Variants in SPAG16 observed in about 807,000 individuals in gnomAD.
SPAG16 encodes sperm associated antigen 16.
A neutral mutation model predicts 80.4 loss-of-function variants in SPAG16; 86 were observed. The observed-to-expected ratio is 1.07, with a 90% CI of 0.90 to 1.28. The LOEUF is 1.28. SPAG16 is among the 50% of genes most tolerant of loss of function. SPAG16 has a pLI of 0.00. For missense variants in SPAG16, 870 were observed against 765.3 expected, an observed-to-expected ratio of 1.14 and a Z score of -1.61; for synonymous variants, 294 against 265.9, an observed-to-expected ratio of 1.11 and a Z score of -1.03.
intron 9 of SPAG16, among the ~76,000 whole-genome samples, chr2:213,421,346 C>A (rs1191200298): frequency 6.6e-6 from 1 of 152,230 alleles, no homozygotes; most frequent in African/African-American, 2.4e-5. Context: ...TTGGCCCCCT[C>A]CAGACATTGG....
At chr2:214,244,382 A>G (rs1443010497) in intron 15 of SPAG16, among the ~76,000 whole-genome samples, 1 of 148,418 alleles carries the variant, frequency 6.7e-6, no homozygotes, top group East Asian at 2.0e-4. Context: ...TTCAATGATA[A>G]GCTGAAGTTC....
At chr2:214,381,125 G>GAAAGT (rs1295651247) in intron 15 of SPAG16, among the ~76,000 whole-genome samples, 1 of 152,186 alleles carries the variant, frequency 6.6e-6, no homozygotes, top group African/African-American at 2.4e-5. Context: ...CAGTACCCCT[G>GAAAGT]AAAGTATTGA....
At chr2:214,369,648 A>G (rs1699691441) in intron 15 of SPAG16, among the ~76,000 whole-genome samples, 1 of 151,960 alleles carries the variant, frequency 6.6e-6, no homozygotes, top group African/African-American at 2.4e-5. Context: ...AACATGTGGC[A>G]TGCCCTCTTT....
chr2:213,609,040 G>A (rs761939652), intron 10 of SPAG16, among the ~76,000 whole-genome samples: 4 of 152,176 alleles, frequency 2.6e-5, no homozygotes, highest in Non-Finnish European at 4.4e-5. Flanking sequence ...AAAAGCAGAC[G>A]ATCTTTTAAA....
At chr2:213,288,556 C>T (rs868193878) in intron 1 of SPAG16, among the ~76,000 whole-genome samples, 11 of 151,900 alleles carry the variant, frequency 7.2e-5, no homozygotes, top group Non-Finnish European at 1.3e-4. Context: ...CGTGATCCAT[C>T]CGCCTCAGCC....
intron 15 of SPAG16, among the ~76,000 whole-genome samples, chr2:214,336,301 G>A (rs1559222806): frequency 6.6e-6 from 1 of 152,086 alleles, no homozygotes; most frequent in African/African-American, 2.4e-5. Flanking sequence ...AATGGGTGGG[G>A]TCTCAAATCA....
chr2:214,320,030 C>T (rs1031678140), intron 15 of SPAG16, among the ~76,000 whole-genome samples: 4 of 152,174 alleles, frequency 2.6e-5, no homozygotes, highest in Non-Finnish European at 5.9e-5. Context: ...CAGGTGAAAT[C>T]GTTCTGTCAA....
chr2:214,196,890 C>T (rs183871587), intron 15 of SPAG16, among the ~76,000 whole-genome samples: 2 of 151,902 alleles, frequency 1.3e-5, no homozygotes, highest in Non-Finnish European at 2.9e-5. Flanking sequence ...GCTTTATATT[C>T]GGTTGAAAAA....
chr2:214,397,363 T>C (rs1339918426), intron 15 of SPAG16, among the ~76,000 whole-genome samples: 1 of 152,088 alleles, frequency 6.6e-6, no homozygotes, highest in African/African-American at 2.4e-5. Context: ...TTTTGCCACG[T>C]TGGCCAGGAT....
At chr2:214,172,208 T>G (rs987193402) in intron 15 of SPAG16, among the ~76,000 whole-genome samples, 1 of 152,008 alleles carries the variant, frequency 6.6e-6, no homozygotes, top group African/African-American at 2.4e-5. Context: ...ACTCGTCATT[T>G]AGCATTAGGT....
intron 11 of SPAG16, among the ~76,000 whole-genome samples, chr2:213,872,913 A>G (rs1016855070): frequency 6.6e-6 from 1 of 152,076 alleles, no homozygotes; most frequent in Non-Finnish European, 1.5e-5. Flanking sequence ...CCAACCTTGC[A>G]TTCCTGAAAT....
At chr2:213,529,113 CTACTT>C (rs772537666) in intron 10 of SPAG16, among the ~76,000 whole-genome samples, 24 of 152,208 alleles carry the variant, frequency 1.6e-4, no homozygotes, top group South Asian at 2.1e-4. Context: ...AAACTATTCT[CTACTT>C]TAGAGCAGTA....
At chr2:213,822,240 T>C (rs1004981181) in intron 10 of SPAG16, among the ~76,000 whole-genome samples, 1 of 152,216 alleles carries the variant, frequency 6.6e-6, no homozygotes, top group Admixed American at 6.5e-5. Flanking sequence ...ATATAAGCCA[T>C]TTTAACTGGG....
intron 12 of SPAG16, among the ~76,000 whole-genome samples, chr2:214,006,064 A>G (rs1167682490): frequency 1.3e-5 from 2 of 152,214 alleles, no homozygotes; most frequent in Admixed American, 6.5e-5. Context: ...ACTAAGGGTT[A>G]ATATGGTAAT....
At chr2:214,036,663 C>T (rs1242549152) in intron 13 of SPAG16, among the ~76,000 whole-genome samples, 1 of 152,120 alleles carries the variant, frequency 6.6e-6, no homozygotes, top group Non-Finnish European at 1.5e-5. Context: ...AAACAGCTCC[C>T]ATTATTTATA....
intron 15 of SPAG16, among the ~76,000 whole-genome samples, chr2:214,358,164 T>C (rs926867862): frequency 6.6e-6 from 1 of 151,908 alleles, no homozygotes; most frequent in African/African-American, 2.4e-5. Context: ...TAAAAAGCAT[T>C]CCCTGGAGGT....
At chr2:213,325,991 C>T (rs1411512355) in intron 5 of SPAG16, among the ~76,000 whole-genome samples, 2 of 151,826 alleles carry the variant, frequency 1.3e-5, no homozygotes, top group African/African-American at 4.8e-5. Flanking sequence ...TTGCCCCTTT[C>T]ATGGCATTTA....
chr2:214,195,334 T>TAGATAGATAGATAGATAGAC (rs1461627655), intron 15 of SPAG16, among the ~76,000 whole-genome samples: 2 of 151,792 alleles, frequency 1.3e-5, no homozygotes, highest in African/African-American at 4.8e-5. Context: ...GATAGATAGA[T>TAGATAGATAGATAGATAGAC]ATTTGAGAGA....
chr2:214,347,468 G>A (rs557693292), intron 15 of SPAG16, among the ~76,000 whole-genome samples: 1 of 152,168 alleles, frequency 6.6e-6, no homozygotes, highest in East Asian at 1.9e-4. Context: ...GGCATTACCA[G>A]TAAAATATTA....
Sources: gnomAD v4.1 joint callset for allele counts (sites outside exome capture counted in the v4.1 genomes callset) on GRCh38, gnomAD v4.1.1 for gene constraint, MANE v1.5 for transcripts, NCBI Gene and HGNC (gene_info 2026-07-23, HGNC 2026-07-21) for gene names.